ZNF680: variants seen among roughly 807,000 people sequenced by gnomAD.
ZNF680 encodes zinc finger protein 680.
ZNF680 carries 6 observed loss-of-function variants against 12.1 expected under a neutral mutation model. The observed-to-expected ratio is 0.49, with a 90% confidence interval of 0.27 to 0.98. The LOEUF (loss-of-function observed/expected upper bound fraction) is 0.98. Ranked by LOEUF, ZNF680 falls within the 50% of genes least tolerant of loss-of-function variation. The pLI, the probability that ZNF680 is intolerant of heterozygous loss-of-function variation, is 0.12. For missense variants in ZNF680, 561 were observed against 616.3 expected, an observed-to-expected ratio of 0.91 and a Z score of 0.95; for synonymous variants, 170 against 199.3, an observed-to-expected ratio of 0.85 and a Z score of 1.24.
At chr7:64,555,667 C>A (rs1287127141) in intron 1 of ZNF680, among the ~76,000 whole-genome samples, 1 of 150,006 alleles carries the variant, frequency 6.7e-6, no homozygotes, top group East Asian at 2.0e-4. Context: ...CAGATCTGAA[C>A]TGAAGATTTA....
chr7:64,505,607 C>T, the ZNF680 span, among the ~76,000 whole-genome samples: 1 of 152,254 alleles, frequency 6.6e-6, no homozygotes, highest in South Asian at 2.1e-4. Flanking sequence ...GTTCCAGAGG[C>T]TGATCATTCA....
chr7:64,534,989 A>C, intron 3 of ZNF680, among the ~76,000 whole-genome samples: 1 of 129,082 alleles, frequency 7.7e-6, no homozygotes. Context: ...GATACAATAA[A>C]CTTTGGGGAC....
intron 1 of ZNF680, among the ~76,000 whole-genome samples, chr7:64,559,090 C>T (rs1052006403): frequency 6.6e-6 from 1 of 152,090 alleles, no homozygotes; most frequent in African/African-American, 2.4e-5. Context: ...CATGCATTCC[C>T]CCTTCTCTCT....
At chr7:64,508,780 T>C in the ZNF680 span, among the ~76,000 whole-genome samples, 1 of 152,238 alleles carries the variant, frequency 6.6e-6, no homozygotes, top group Non-Finnish European at 1.5e-5. Flanking sequence ...TCCTTTTCTA[T>C]GGTGGCTATT....
At chr7:64,550,268 G>A (rs1167097620) in intron 1 of ZNF680, among the ~76,000 whole-genome samples, 3 of 152,158 alleles carry the variant, frequency 2.0e-5, no homozygotes, top group Admixed American at 6.5e-5. Context: ...GTCCAGTGTG[G>A]AATTATTAGT....
chr7:64,537,998 C>G (rs1786268257), intron 3 of ZNF680, among the ~76,000 whole-genome samples: 1 of 151,912 alleles, frequency 6.6e-6, no homozygotes, highest in South Asian at 2.1e-4. Context: ...TGTGTATGAT[C>G]AAATGATCTT....
At chr7:64,508,276 A>C in the ZNF680 span, among the ~76,000 whole-genome samples, 1 of 151,520 alleles carries the variant, frequency 6.6e-6, no homozygotes, top group Non-Finnish European at 1.5e-5. Flanking sequence ...ACTACATTTA[A>C]ATTTACTGGA....
the ZNF680 span, among the ~76,000 whole-genome samples, chr7:64,507,688 T>C: frequency 6.6e-6 from 1 of 151,938 alleles, no homozygotes; most frequent in Non-Finnish European, 1.5e-5. Context: ...AATATCACAT[T>C]GTACCCCATA....
the ZNF680 span, among the ~76,000 whole-genome samples, chr7:64,507,308 G>C: frequency 6.6e-6 from 1 of 152,130 alleles, no homozygotes. Flanking sequence ...GAAATAGAGA[G>C]TTGTTCATCA....
intron 3 of ZNF680, among the ~76,000 whole-genome samples, chr7:64,538,081 T>C (rs73130750): frequency 0.2 from 30,392 of 151,892 alleles, 3,419 homozygotes; most frequent in South Asian, 0.28. Flanking sequence ...AATCAGGTTA[T>C]CTACACTGAT....
chr7:64,519,614 A>G (rs1298497779), downstream of ZNF680, among the ~76,000 whole-genome samples: 1 of 151,832 alleles, frequency 6.6e-6, no homozygotes, highest in Non-Finnish European at 1.5e-5. Flanking sequence ...TATAGTTTAA[A>G]GTCAGGTAAT....
At chr7:64,544,565 G>A (rs1786683745) in intron 1 of ZNF680, 133 bp from the exon 2 acceptor site, 1 of 1,393,074 alleles carries the variant, frequency 7.2e-7, no homozygotes, top group South Asian at 1.5e-5. Flanking sequence ...TTACAGGAGT[G>A]AGTCAAATTA....
intron 1 of ZNF680, among the ~76,000 whole-genome samples, chr7:64,555,356 A>AAC (rs398004954): frequency 6.6e-6 from 1 of 150,542 alleles, no homozygotes; most frequent in African/African-American, 2.4e-5. Context: ...AAAAAAAAAA[A>AAC]CACTTGAAGT....
intron 3 of ZNF680, chr7:64,526,559 T>TA (rs1301546370): frequency 6.8e-6 from 3 of 438,092 alleles, no homozygotes; most frequent in East Asian, 3.5e-5. Context: ...AGTCCATTAT[T>TA]TAAAAAAAAA....
In ZNF680 at chr7:64,521,435, C is replaced by A. The variant is rs1331228301; in HGVS notation, c.1319G>T (p.Gly440Val). ...RENTYKCEEC[G>V]KGFTLFSTLT... ...GGTTGAAAATAAAGTAAAGCCTTTG[C>A]CACATTCTTCACATTTGTAGGTATT... Residue 440 changes from glycine (G) to valine (V), a missense_variant, in exon 4 of 4, where the codon GGC becomes GTC. Transcript: ENST00000309683. 2 of 1,613,014 alleles carry A rather than the reference C, an allele frequency of 1.2e-6. No homozygotes were observed. Among genetic ancestry groups the A allele is most frequent in the South Asian group, 1.1e-5 (1 of 91,008 alleles).
At chr7:64,516,277 C>G (rs1279135379), downstream of ZNF680, among the ~76,000 whole-genome samples, 2 of 152,042 alleles carry the variant, frequency 1.3e-5, no homozygotes, top group Non-Finnish European at 2.9e-5. Context: ...AAAAGAAAAC[C>G]TGTTAAATCT....
At chr7:64,516,212 G>A (rs1317922008), downstream of ZNF680, among the ~76,000 whole-genome samples, 1 of 152,036 alleles carries the variant, frequency 6.6e-6, no homozygotes, top group African/African-American at 2.4e-5. Flanking sequence ...TTTTGTGTTC[G>A]TACTTTTTAA....
Position 64,558,212 on chromosome 7 carries a change from G to A in ZNF680, c.30+4713C>T, listed in dbSNP as rs181447021. On this transcript the variant is annotated intron_variant, in intron 1 of 3. Coordinates refer to ENST00000309683, the MANE Select transcript of ZNF680 (RefSeq NM_178558.5). Reference sequence around the variant, plus strand: ...GGTTGCTGCTGCAGATTCAGTGTCTGGGGGTGGGGATATGCAGGAGACTAT... The same window carrying A: ...GGTTGCTGCTGCAGATTCAGTGTCTAGGGGTGGGGATATGCAGGAGACTAT... Among the ~76,000 whole-genome samples the A allele has an allele frequency of 2.1e-3, 322 of 152,262 alleles. 3 individuals are homozygous for A. The highest frequency in any genetic ancestry group is 7.4e-3 in the African/African-American group (307 of 41,550).
intron 1 of ZNF680, among the ~76,000 whole-genome samples, chr7:64,558,996 T>C (rs1787575499): frequency 2.0e-5 from 3 of 152,218 alleles, no homozygotes; most frequent in African/African-American, 7.2e-5. Flanking sequence ...GATGAGGCTA[T>C]TGGCTACATT....
Sources: allele counts gnomAD v4.1 joint callset (sites outside exome capture counted in the v4.1 genomes callset), GRCh38; gene constraint gnomAD v4.1.1; transcripts MANE v1.5; gene names NCBI Gene and HGNC (gene_info 2026-07-23, HGNC 2026-07-21).